The following WDR11 variants were observed in gnomAD, a reference collection of about 807,000 sequenced individuals.
The protein encoded by WDR11 is WD repeat-containing protein 11.
Under a neutral mutation model 151.2 loss-of-function variants are expected in WDR11, and 83 were observed. That is an observed-to-expected ratio of 0.55 (90% confidence interval 0.46 to 0.66). The LOEUF is 0.66. Ranked by LOEUF, WDR11 falls within the 30% of genes least tolerant of loss-of-function variation. The pLI, the probability that WDR11 is intolerant of heterozygous loss-of-function variation, is 0.00. For missense variants in WDR11, 1,301 were observed against 1,480.9 expected (o/e 0.88, Z 1.99); for synonymous variants, 484 against 533.1 (o/e 0.91, Z 1.27).
intron 15 of WDR11, among the ~76,000 whole-genome samples, chr10:120,886,380 GT>G (rs1424331799): frequency 4.7e-4 from 71 of 152,196 alleles, no homozygotes; most frequent in African/African-American, 1.6e-3. Flanking sequence ...ATAATGTTGG[GT>G]CACTGTACAG....
Position 120,890,698 on chromosome 10 carries a change from C to T in WDR11, c.2344-18C>T, listed in dbSNP as rs1419332286. On this transcript the variant is annotated intron_variant, in intron 18 of 28. Transcript: ENST00000263461. ...TTCCTTTTCTGTCTGGAAGTGATGC[C>T]CAAATTCACTCTTGAAGGTTCAGAT... is the stretch of plus-strand genomic sequence containing the variant. 1 of 1,613,948 alleles carries T rather than the reference C, an allele frequency of 6.2e-7. No homozygotes were observed. Among genetic ancestry groups the T allele is most frequent in the Non-Finnish European group, 8.5e-7 (1 of 1,179,962 alleles).
At chr10:120,901,723 T>C (rs1847826675) in intron 21 of WDR11, among the ~76,000 whole-genome samples, 1 of 152,258 alleles carries the variant, frequency 6.6e-6, no homozygotes, top group African/African-American at 2.4e-5. Flanking sequence ...ATTAGTTTTT[T>C]CTATGCAAAG....
At chr10:120,858,469 T>C (rs1054606344) in intron 2 of WDR11, among the ~76,000 whole-genome samples, 174 bp from the exon 3 acceptor site, 3 of 152,218 alleles carry the variant, frequency 2.0e-5, no homozygotes, top group Admixed American at 6.5e-5. Flanking sequence ...GTTAAAGATA[T>C]CTACCAAAGT....
At position 120,908,795 on chromosome 10, in the gene WDR11, G is replaced by A; in HGVS notation, c.*82G>A. 6.7e-7 allele frequency: 1 copy of A among 1,487,228 alleles called. No individual in the cohort carries two copies. Among genetic ancestry groups the A allele is most frequent in the Non-Finnish European group, 9.4e-7 (1 of 1,068,276 alleles). The allele number at this position is 1,487,228 out of a possible 1,614,324, so 92.1% of individuals were successfully genotyped here. On this transcript the variant is annotated 3_prime_UTR_variant, in exon 29 of 29. Transcript: ENST00000263461. ...TGGCTGTGGCCACCGTCACAGTCCA[G>A]GATGAAGAGGAGTACAGGGTCCTGT...
At chr10:120,857,396 A>G (rs949472026) in intron 2 of WDR11, among the ~76,000 whole-genome samples, 73 of 152,314 alleles carry the variant, frequency 4.8e-4, no homozygotes, top group Middle Eastern at 3.4e-3. Flanking sequence ...GTGAGTAGGT[A>G]AATTGACAAA....
chr10:120,882,726 A>G (rs1170995823), intron 13 of WDR11, among the ~76,000 whole-genome samples: 1 of 152,010 alleles, frequency 6.6e-6, no homozygotes, highest in Admixed American at 6.6e-5. Context: ...ATATCAGTAA[A>G]TTATATCAAC....
At chr10:120,855,040 T>A (rs902033099) in intron 2 of WDR11, among the ~76,000 whole-genome samples, 1 of 152,168 alleles carries the variant, frequency 6.6e-6, no homozygotes, top group Non-Finnish European at 1.5e-5. Flanking sequence ...CTGTTTTGTC[T>A]CATACATACT....
chr10:120,851,793 C>T, intron 1 of WDR11: 2 of 529,160 alleles, frequency 3.8e-6, no homozygotes, highest in East Asian at 3.4e-5. Context: ...TCTCTCTTTT[C>T]CTCTCCTCCA....
chr10:120,862,618 A>C, intron 4 of WDR11, 117 bp from the exon 5 acceptor site: 1 of 1,067,518 alleles, frequency 9.4e-7, no homozygotes, highest in East Asian at 2.4e-5. Context: ...AATGCATAAC[A>C]TTGCCAGTTA....
intron 14 of WDR11, among the ~76,000 whole-genome samples, chr10:120,884,809 A>G (rs148880509): frequency 1.4e-4 from 21 of 152,314 alleles, no homozygotes; most frequent in Admixed American, 1.4e-3. Context: ...AGAGCTAATG[A>G]GAGGCAGAGA....
intron 1 of WDR11, chr10:120,851,923 GC>G (rs1329730768): frequency 3.6e-6 from 1 of 275,196 alleles, no homozygotes; most frequent in Non-Finnish European, 7.0e-6. Flanking sequence ...CAGACCCTGT[GC>G]TAGGCGCCTG....
intron 19 of WDR11, 71 bp from the exon 20 acceptor site, chr10:120,899,958 G>A: frequency 1.5e-6 from 2 of 1,290,794 alleles, no homozygotes; most frequent in South Asian, 1.2e-5. Flanking sequence ...CTCTGTAAAT[G>A]GTTTATAGCT....
intron 20 of WDR11, 63 bp from the exon 21 acceptor site, chr10:120,900,973 G>A (rs1847793426): frequency 2.5e-6 from 3 of 1,201,000 alleles, no homozygotes; most frequent in Non-Finnish European, 3.7e-6. Context: ...CTTTTTTCAG[G>A]TGAAGAAATA....
chr10:120,888,889 C>A (rs552690309), intron 16 of WDR11, among the ~76,000 whole-genome samples, 189 bp from the exon 17 acceptor site: 1 of 152,138 alleles, frequency 6.6e-6, no homozygotes, highest in South Asian at 2.1e-4. Flanking sequence ...GTTGAAATCT[C>A]CTATTTCTTC....
At chr10:120,852,689 C>T (rs1020091568) in intron 2 of WDR11, 54 bp downstream of exon 2, 1 of 1,396,626 alleles carries the variant, frequency 7.2e-7, no homozygotes, top group Non-Finnish European at 1.0e-6. Context: ...AAGTTTAATA[C>T]TGTGTATCAC....
At position 120,869,107 on chromosome 10, in the gene WDR11, T is replaced by TG. The variant is rs200266528; in HGVS notation, c.1294+1938_1294+1939insG. 3.9e-3 allele frequency among the ~76,000 whole-genome samples: 217 copies of TG among 55,614 alleles called. 2 individuals are homozygous for TG. Among genetic ancestry groups the TG allele is most frequent in the African/African-American group, 0.018 (204 of 11,278 alleles). The allele number at this position is 55,614 out of a possible 152,430, so 36.5% of individuals were successfully genotyped here. On this transcript the variant is annotated intron_variant, in intron 9 of 28. Transcript: ENST00000263461. Reference sequence around the variant, plus strand: ...GTATCTAAGTGATATAAATTACAGGTTTTTTTTTTTTTTTTTTTTTTGAGA... The same window carrying TG: ...GTATCTAAGTGATATAAATTACAGGTGTTTTTTTTTTTTTTTTTTTTTGAGA...
intron 5 of WDR11, among the ~76,000 whole-genome samples, chr10:120,863,242 A>T (rs550646888): frequency 1.8e-4 from 27 of 152,308 alleles, no homozygotes; most frequent in African/African-American, 6.0e-4. Context: ...AAATTTGGGC[A>T]CAAAAGCTGG....
chr10:120,851,512 G>A lies in WDR11; in HGVS notation c.86+6G>A. The A allele has an allele frequency of 1.2e-6, 2 of 1,609,370 alleles. No homozygotes were observed. Among genetic ancestry groups the A allele is most frequent in the Admixed American group, 1.7e-5 (1 of 59,492 alleles). On this transcript the variant is annotated splice_donor_region_variant and intron_variant, in intron 1 of 28. Coordinates refer to ENST00000263461, the MANE Select transcript of WDR11 (RefSeq NM_018117.12). ...AACAAGGCGGCGGTGGACTGGTGAG[G>A]ACGCCGAGCTTCCAGGTCGCCAGGA...
Position 120,883,761 on chromosome 10 carries a change from G to A in WDR11, c.1740-19G>A. 1 of 1,611,314 alleles carries A rather than the reference G, an allele frequency of 6.2e-7. No homozygotes were observed. Among genetic ancestry groups the A allele is most frequent in the Non-Finnish European group, 8.5e-7 (1 of 1,177,874 alleles). On this transcript the variant is annotated intron_variant, in intron 13 of 28. Coordinates refer to ENST00000263461, the MANE Select transcript of WDR11 (RefSeq NM_018117.12). ...ATTTTTGCAAAAAGGGGCTTATTTA[G>A]TAATTTTGTTTATTTTAGGCAGTAT...
Sources: gnomAD v4.1 joint callset for allele counts (sites outside exome capture counted in the v4.1 genomes callset) on GRCh38, gnomAD v4.1.1 for gene constraint, MANE v1.5 for transcripts, NCBI Gene and HGNC (gene_info 2026-07-23, HGNC 2026-07-21) for gene names.